The following PLOD1 variants were observed in gnomAD, a reference collection of about 807,000 sequenced individuals.
PLOD1 encodes the protein procollagen-lysine,2-oxoglutarate 5-dioxygenase 1.
Under a neutral mutation model 94.7 loss-of-function variants are expected in PLOD1, and 70 were observed. The observed-to-expected ratio is 0.74, with a 90% CI of 0.61 to 0.90. The LOEUF (loss-of-function observed/expected upper bound fraction) is 0.90. Ranked by LOEUF, PLOD1 falls within the 40% of genes least tolerant of loss-of-function variation. The pLI, the probability that PLOD1 is intolerant of heterozygous loss-of-function variation, is 0.00. For synonymous variants in PLOD1, 417 were observed against 400.2 expected, an observed-to-expected ratio of 1.04 and a Z score of -0.50; for missense variants, 905 against 972.7, an observed-to-expected ratio of 0.93 and a Z score of 0.93.
chr1:11,937,807 C>G (rs1289554959), intron 1 of PLOD1, among the ~76,000 whole-genome samples: 1 of 152,108 alleles, frequency 6.6e-6, no homozygotes, highest in African/African-American at 2.4e-5. Context: ...GTAGAAAGCA[C>G]ATCTGTGCTC....
intron 1 of PLOD1, among the ~76,000 whole-genome samples, chr1:11,939,116 A>C (rs1557480788): frequency 6.6e-6 from 1 of 152,084 alleles, no homozygotes. Flanking sequence ...AGAGAAGGAC[A>C]GCTGCAGAGA....
At chr1:11,966,208 G>T in intron 14 of PLOD1, 43 bp from the exon 15 acceptor site, 1 of 1,456,942 alleles carries the variant, frequency 6.9e-7, no homozygotes, top group East Asian at 2.3e-5. Context: ...CCTGGCAGTT[G>T]AGCCAATGGT....
chr1:11,936,440 T>C (rs1198887694), intron 1 of PLOD1, among the ~76,000 whole-genome samples: 1 of 151,528 alleles, frequency 6.6e-6, no homozygotes, highest in Non-Finnish European at 1.5e-5. Flanking sequence ...CAGCTTACCC[T>C]CCTGGAGAAC....
chr1:11,954,960 C>A (rs899213305), intron 6 of PLOD1, 67 bp downstream of exon 6: 1 of 1,268,228 alleles, frequency 7.9e-7, no homozygotes. Context: ...AGGCAGGGCC[C>A]GAGCCCAGGG....
intron 1 of PLOD1, among the ~76,000 whole-genome samples, chr1:11,936,849 TTC>T (rs1473789159): frequency 1.4e-4 from 14 of 97,980 alleles, no homozygotes; most frequent in African/African-American, 5.6e-4. Context: ...TTTCTTTTCT[TTC>T]TTTTTTTTTT....
intron 16 of PLOD1, among the ~76,000 whole-genome samples, chr1:11,970,356 C>T (rs932668425): frequency 6.6e-6 from 1 of 152,154 alleles, no homozygotes; most frequent in Non-Finnish European, 1.5e-5. Context: ...TCACTTAGGC[C>T]TGGAAGGTTG....
At chr1:11,969,076 G>A (rs1431925677) in intron 16 of PLOD1, among the ~76,000 whole-genome samples, 1 of 145,458 alleles carries the variant, frequency 6.9e-6, no homozygotes, top group Non-Finnish European at 1.5e-5. Flanking sequence ...CAGGTGGAGT[G>A]CAATGGCACA....
chr1:11,960,822 C>A, intron 10 of PLOD1, 55 bp downstream of exon 10: 1 of 1,607,326 alleles, frequency 6.2e-7, no homozygotes, highest in South Asian at 1.1e-5. Flanking sequence ...GGAGCTGTGG[C>A]TGTGGTAAGG....
chr1:11,946,776 A>C (rs1169914794), intron 1 of PLOD1, among the ~76,000 whole-genome samples: 1 of 152,118 alleles, frequency 6.6e-6, no homozygotes, highest in Non-Finnish European at 1.5e-5. Flanking sequence ...TGTCTGTTTT[A>C]TGTTGCTGTA....
At position 11,949,869 on chromosome 1, in the gene PLOD1, G is replaced by T. The variant is rs886039207; in HGVS notation, c.265G>T (p.Ala89Ser). The part of the protein sequence containing the change: ...RLLKKALEKH[A>S]DKEDLVILFA... ...GCTGAAGAAAGCTCTGGAGAAGCAC[G>T]CAGACAAGGAGGATCTGGTCATTCT... is the stretch of plus-strand genomic sequence containing the variant. The change falls in exon 3 of 19, where the codon GCA (alanine) becomes TCA (serine). Residue 89 changes from alanine to serine, a missense_variant. Transcript: ENST00000196061. 8 of 1,613,952 alleles carry T rather than the reference G, an allele frequency of 5.0e-6. No individual in the cohort carries two copies. The highest frequency in any genetic ancestry group is 1.3e-5 in the African/African-American group (1 of 74,926).
Position 11,963,801 on chromosome 1 carries a change from CTCCTCT to C in PLOD1, c.1202+177_1202+182del, listed in dbSNP as rs1382653319. Among the ~76,000 whole-genome samples the C allele has an allele frequency of 1.5e-4, 23 of 151,850 alleles. 1 individual carries two copies. Among genetic ancestry groups the C allele is most frequent in the African/African-American group, 9.7e-5 (4 of 41,304 alleles). The stretch of plus-strand genomic sequence containing the variant: ...CCTCGTCTTCCTCCTTGTCTTCCTC[CTCCTCT>C]TCCTCTTCCTCCTCTTCCTCCTTTT... On this transcript the variant is annotated intron_variant, in intron 11 of 18. Coordinates refer to ENST00000196061, the MANE Select transcript of PLOD1 (RefSeq NM_000302.4). The surrounding 1 kb of genome is among the most constrained non-coding windows in gnomAD (Gnocchi z 4.3).
At chr1:11,973,036 G>A in intron 18 of PLOD1, 39 bp downstream of exon 18, 1 of 1,612,386 alleles carries the variant, frequency 6.2e-7, no homozygotes, top group Non-Finnish European at 8.5e-7. Context: ...GCCGGCAATG[G>A]GGATGAGGAG....
chr1:11,939,826 T>C (rs1231936337), intron 1 of PLOD1, among the ~76,000 whole-genome samples: 1 of 152,186 alleles, frequency 6.6e-6, no homozygotes, highest in Non-Finnish European at 1.5e-5. Flanking sequence ...CAGGCTGGTC[T>C]CGAGCTCCTG....
chr1:11,956,897 C>A lies in PLOD1; in HGVS notation c.644-20C>A. On this transcript the variant is annotated intron_variant, in intron 6 of 18. Transcript: ENST00000196061. ...CCTCTGGGTCTGATGCTGGGTGGGACTGTGCTTTCTGACCCCCAGATGAGG... is the reference window on the plus strand; with the variant it reads ...CCTCTGGGTCTGATGCTGGGTGGGAATGTGCTTTCTGACCCCCAGATGAGG... 2 of 1,563,350 alleles carry A rather than the reference C, an allele frequency of 1.3e-6. No individual in the cohort carries two copies. The highest frequency in any genetic ancestry group is 1.8e-6 in the Non-Finnish European group (2 of 1,133,614).
chr1:11,939,597 T>C (rs1225677893), intron 1 of PLOD1, among the ~76,000 whole-genome samples: 3 of 152,084 alleles, frequency 2.0e-5, no homozygotes, highest in Non-Finnish European at 4.4e-5. Context: ...ACCGTCAGTC[T>C]CTCCACATCA....
chr1:11,960,802 T>G, intron 10 of PLOD1, 35 bp downstream of exon 10: 4 of 1,610,862 alleles, frequency 2.5e-6, no homozygotes, highest in East Asian at 4.5e-5. Flanking sequence ...CCACTGACAG[T>G]GGGGGCAGGG....
chr1:11,964,151 T>G (rs749808071), intron 11 of PLOD1, 24 bp from the exon 12 acceptor site: 1 of 1,612,988 alleles, frequency 6.2e-7, no homozygotes, highest in Non-Finnish European at 8.5e-7. Flanking sequence ...AGCGACCTCC[T>G]ACTGAGGTGC....
Position 11,958,664 on chromosome 1 carries a change from C to G in PLOD1, c.975+17C>G. On this transcript the variant is annotated intron_variant, in intron 9 of 18. Coordinates refer to ENST00000196061, the MANE Select transcript of PLOD1 (RefSeq NM_000302.4). The surrounding 1 kb of genome is among the most constrained non-coding windows in gnomAD (Gnocchi z 4.3). ...CACAACCACGTGAGTAACAGGCGCTCTGTGGGGTCGTCATGTGGCTTAGAT... is the reference window on the plus strand; with the variant it reads ...CACAACCACGTGAGTAACAGGCGCTGTGTGGGGTCGTCATGTGGCTTAGAT... 3 of 1,613,934 alleles carry G rather than the reference C, an allele frequency of 1.9e-6. No individual in the cohort carries two copies. Among genetic ancestry groups the G allele is most frequent in the Non-Finnish European group, 2.5e-6 (3 of 1,179,990 alleles).
At chr1:11,949,745 G>T (rs763349970) in intron 2 of PLOD1, 28 bp from the exon 3 acceptor site, 2 of 1,610,460 alleles carry the variant, frequency 1.2e-6, no homozygotes, top group East Asian at 2.2e-5. Flanking sequence ...TTTACCAAAA[G>T]CCCGTGTTAA....
Sources: allele counts gnomAD v4.1 joint callset (sites outside exome capture counted in the v4.1 genomes callset), GRCh38; gene constraint gnomAD v4.1.1; non-coding constraint Gnocchi (gnomAD v3.1); transcripts MANE v1.5; gene names NCBI Gene and HGNC (gene_info 2026-07-23, HGNC 2026-07-21).